TULP4: variants seen among roughly 807,000 people sequenced by gnomAD.
TULP4 encodes the protein tubby-related protein 4.
Under a neutral mutation model 129.0 loss-of-function variants are expected in TULP4, and 16 were observed. The observed-to-expected ratio is 0.12, with a 90% CI of 0.08 to 0.19. The LOEUF (loss-of-function observed/expected upper bound fraction) is 0.19. Ranked by LOEUF, TULP4 falls within the 10% of genes least tolerant of loss-of-function variation. TULP4 has a pLI of 1.00. For synonymous variants in TULP4, 998 were observed against 854.0 expected (o/e 1.17, Z -2.94); for missense variants, 1,842 against 2,059.1 (o/e 0.89, Z 2.04).
At chr6:158,268,259 G>C (rs1413948884) in intron 1 of TULP4, among the ~76,000 whole-genome samples, 1 of 151,700 alleles carries the variant, frequency 6.6e-6, no homozygotes, top group East Asian at 1.9e-4. Flanking sequence ...GGCTGGTCTT[G>C]AACTCCCAAC....
At chr6:158,424,200 G>A (rs1778422285) in intron 2 of TULP4, among the ~76,000 whole-genome samples, 1 of 152,128 alleles carries the variant, frequency 6.6e-6, no homozygotes, top group Middle Eastern at 3.2e-3. Context: ...GGAAGCACAC[G>A]TATATGATGT....
rs1778147586 is a variant in TULP4 at position 158,413,790 on chromosome 6, G to A, written c.381+597G>A. 1.3e-5 allele frequency among the ~76,000 whole-genome samples: 2 copies of A among 152,200 alleles called. No individual in the cohort carries two copies. The highest frequency in any genetic ancestry group is 2.4e-5 in the African/African-American group (1 of 41,454). ...CATAGATTGTTCTGGTTTACAGGACGGCTTCATGGTGCACCTTTTGTATGG... is the reference window on the plus strand; with the variant it reads ...CATAGATTGTTCTGGTTTACAGGACAGCTTCATGGTGCACCTTTTGTATGG... On this transcript the variant is annotated intron_variant, in intron 2 of 13. Transcript: ENST00000367097. This position sits in a 1 kb window ranked among gnomAD's most constrained non-coding sequence, Gnocchi z 4.9.
chr6:158,450,922 AAG>A (rs1779150416), intron 4 of TULP4, among the ~76,000 whole-genome samples: 1 of 152,078 alleles, frequency 6.6e-6, no homozygotes, highest in East Asian at 1.9e-4. Flanking sequence ...AAAATTAGCC[AAG>A]CATGGTGGTG....
At chr6:158,473,762 C>G (rs1204070980) in intron 6 of TULP4, among the ~76,000 whole-genome samples, 2 of 152,192 alleles carry the variant, frequency 1.3e-5, no homozygotes, top group Non-Finnish European at 2.9e-5. Flanking sequence ...CTCACTGATT[C>G]TCCTGCTTCA....
intron 1 of TULP4, among the ~76,000 whole-genome samples, chr6:158,239,066 C>T (rs1777790267): frequency 7.8e-6 from 1 of 128,548 alleles, no homozygotes; most frequent in South Asian, 2.6e-4. Context: ...GCTGACCCCC[C>T]CACCTCCCTC....
chr6:158,256,927 C>T (rs1246185630), intron 1 of TULP4, among the ~76,000 whole-genome samples: 2 of 152,102 alleles, frequency 1.3e-5, no homozygotes, highest in Non-Finnish European at 2.9e-5. Flanking sequence ...GCAGGTGAGC[C>T]TCCTGCCAAG....
At chr6:158,336,146 G>T (rs1780027459) in intron 1 of TULP4, among the ~76,000 whole-genome samples, 1 of 152,156 alleles carries the variant, frequency 6.6e-6, no homozygotes, top group East Asian at 1.9e-4. Context: ...GAAGAAAATG[G>T]CACTGCAGTG....
chr6:158,324,119 A>G (rs1779694393), intron 1 of TULP4, among the ~76,000 whole-genome samples: 1 of 152,208 alleles, frequency 6.6e-6, no homozygotes, highest in Admixed American at 6.5e-5. Flanking sequence ...ACTTACTAGA[A>G]TTTGATGGAT....
intron 1 of TULP4, among the ~76,000 whole-genome samples, chr6:158,337,964 T>C (rs1168114637): frequency 6.6e-6 from 1 of 152,114 alleles, no homozygotes; most frequent in Non-Finnish European, 1.5e-5. Context: ...GTCAAGTGGG[T>C]AAAGTCACAC....
At chr6:158,366,114 A>G (rs1220713422) in intron 1 of TULP4, among the ~76,000 whole-genome samples, 4 of 151,602 alleles carry the variant, frequency 2.6e-5, no homozygotes, top group African/African-American at 7.3e-5. Flanking sequence ...CATGTTAGCC[A>G]GGATGGTCTC....
chr6:158,443,274 A>G (rs571767128), intron 3 of TULP4, among the ~76,000 whole-genome samples: 8 of 151,914 alleles, frequency 5.3e-5, no homozygotes, highest in Admixed American at 2.0e-4. Context: ...GAGCCACCGC[A>G]CCCAGCCAAT....
chr6:158,309,913 A>ACGGG, upstream of TULP4, among the ~76,000 whole-genome samples: 1 of 49,996 alleles, frequency 2.0e-5, no homozygotes, highest in Admixed American at 2.7e-4. Flanking sequence ...GGGGAGAGGG[A>ACGGG]GAGGGGGAGG....
Position 158,448,882 on chromosome 6 carries a change from G to C in TULP4, c.544-114G>C, listed in dbSNP as rs868261654. 6.5e-6 allele frequency: 7 copies of C among 1,075,720 alleles called. No homozygotes were observed. In the Middle Eastern group the frequency reaches 9.3e-4, roughly 143 times the overall value. 66.6% of individuals were successfully genotyped at this position (1,075,720 alleles called of 1,614,324 possible). On this transcript the variant is annotated intron_variant, in intron 3 of 13. Coordinates refer to ENST00000367097, the MANE Select transcript of TULP4 (RefSeq NM_020245.5). ...TCACTGTGCTGTTGTTACTTAACTA[G>C]CTATTTTTAGTTCTAAATGTATATT...
chr6:158,480,740 A>T (rs551241469), intron 7 of TULP4, among the ~76,000 whole-genome samples: 12 of 152,030 alleles, frequency 7.9e-5, no homozygotes, highest in Admixed American at 3.3e-4. Flanking sequence ...ACACGAGCAG[A>T]TCTCAACACC....
intron 5 of TULP4, among the ~76,000 whole-genome samples, chr6:158,455,458 G>A (rs377712498): frequency 1.7e-4 from 26 of 151,732 alleles, no homozygotes; most frequent in African/African-American, 5.6e-4. Context: ...TGCTTTCAGC[G>A]GGGTACGGTG....
At chr6:158,462,377 T>C (rs1779448177) in intron 6 of TULP4, among the ~76,000 whole-genome samples, 1 of 138,294 alleles carries the variant, frequency 7.2e-6, no homozygotes, top group South Asian at 2.5e-4. Flanking sequence ...TCTTTTCTTT[T>C]TTTCTTTCTT....
Position 158,369,182 on chromosome 6 carries a change from G to A in TULP4, c.253-43883G>A, listed in dbSNP as rs143173227. Among the ~76,000 whole-genome samples the A allele has an allele frequency of 3.6e-3, 541 of 152,222 alleles. 6 individuals carry two copies. The highest frequency in any genetic ancestry group is 0.012 in the African/African-American group (485 of 41,514). ...ACAGGGAATGTCATTTTACAAGGGA[G>A]GAAAATTGAGTATCAAGCTGCTTTG... is the stretch of plus-strand genomic sequence containing the variant. On this transcript the variant is annotated intron_variant, in intron 1 of 13. Transcript: ENST00000367097.
At chr6:158,327,338 G>A (rs1562521412) in intron 1 of TULP4, among the ~76,000 whole-genome samples, 1 of 152,152 alleles carries the variant, frequency 6.6e-6, no homozygotes, top group Non-Finnish European at 1.5e-5. Context: ...CCCATTTGGT[G>A]GAAACGATGC....
In TULP4 at chr6:158,348,340, T is replaced by C. The variant is rs1425372021; in HGVS notation, c.252+34072T>C. On this transcript the variant is annotated intron_variant, in intron 1 of 13. Transcript: ENST00000367097. ...TCCCTGCGGCCTTCCACAGTGTTTGTGTCCCTGGGTACTTGAGATTAGGGA... is the reference window on the plus strand; with the variant it reads ...TCCCTGCGGCCTTCCACAGTGTTTGCGTCCCTGGGTACTTGAGATTAGGGA... Among the ~76,000 whole-genome samples the C allele has an allele frequency of 2.0e-5, 3 of 152,200 alleles. No homozygotes were observed. In the East Asian group the frequency reaches 5.8e-4, roughly 29 times the overall value.
Sources: allele counts gnomAD v4.1 joint callset (sites outside exome capture counted in the v4.1 genomes callset), GRCh38; gene constraint gnomAD v4.1.1; non-coding constraint Gnocchi (gnomAD v3.1); transcripts MANE v1.5; gene names NCBI Gene and HGNC (gene_info 2026-07-23, HGNC 2026-07-21).